The following SHROOM3 variants were observed in gnomAD, a reference collection of about 807,000 sequenced individuals.
SHROOM3 encodes protein Shroom3.
SHROOM3 carries 47 observed loss-of-function variants against 138.6 expected under a neutral mutation model. That is an observed-to-expected ratio of 0.34 (90% CI 0.27 to 0.43). The LOEUF (loss-of-function observed/expected upper bound fraction) is 0.43. Ranked by LOEUF, SHROOM3 falls within the 20% of genes least tolerant of loss-of-function variation. The pLI, the probability that SHROOM3 is intolerant of heterozygous loss-of-function variation, is 1.00. For missense variants in SHROOM3, 2,491 were observed against 2,596.5 expected (o/e 0.96, Z 0.88); for synonymous variants, 1,062 against 1,063.3 (o/e 1.00, Z 0.02).
At chr4:76,707,230 T>C (rs1278481966) in intron 2 of SHROOM3, among the ~76,000 whole-genome samples, 1 of 152,170 alleles carries the variant, frequency 6.6e-6, no homozygotes, top group Non-Finnish European at 1.5e-5. Context: ...ACAAAATCTG[T>C]GGCATAAATT....
chr4:76,443,449 A>G (rs974919990), intron 1 of SHROOM3, among the ~76,000 whole-genome samples: 4 of 152,198 alleles, frequency 2.6e-5, no homozygotes, highest in Admixed American at 6.5e-5. Flanking sequence ...CAAAACCTCA[A>G]AGGACATGCT....
At chr4:76,639,468 C>T in intron 2 of SHROOM3, 1 of 397,392 alleles carries the variant, frequency 2.5e-6, no homozygotes, top group Non-Finnish European at 4.4e-6. Flanking sequence ...ATAACCAGTG[C>T]CAGCTCTGAG....
intron 1 of SHROOM3, among the ~76,000 whole-genome samples, chr4:76,549,963 T>C (rs13120833): frequency 0.56 from 84,612 of 151,942 alleles, 23,690 homozygotes; most frequent in Non-Finnish European, 0.58. Flanking sequence ...GGAGGAATCC[T>C]GGCACCAAGC....
chr4:76,565,160 C>CAAAAAAAAAAAA (rs1166896258), intron 2 of SHROOM3, among the ~76,000 whole-genome samples: 4 of 135,938 alleles, frequency 2.9e-5, no homozygotes, highest in African/African-American at 1.1e-4. Context: ...GACTCCATTT[C>CAAAAAAAAAAAA]AAAAAAAAAA....
At position 76,635,630 on chromosome 4, in the gene SHROOM3, C is replaced by T. The variant is rs145891089; in HGVS notation, c.324-74526C>T. Among the ~76,000 whole-genome samples, 905 of 152,312 alleles carry T rather than the reference C, an allele frequency of 5.9e-3. 6 individuals are homozygous for T. Among genetic ancestry groups the T allele is most frequent in the African/African-American group, 0.021 (862 of 41,576 alleles). On this transcript the variant is annotated intron_variant, in intron 2 of 10. Transcript: ENST00000296043. The stretch of plus-strand genomic sequence containing the variant: ...CTGAAAGGCCTCTGGAGAAATGGAA[C>T]AACAGCCTATGTGTACTCACTCTCT...
intron 1 of SHROOM3, among the ~76,000 whole-genome samples, chr4:76,467,253 C>T (rs1001652174): frequency 6.6e-6 from 1 of 151,934 alleles, no homozygotes; most frequent in Admixed American, 6.6e-5. Flanking sequence ...CACCATGTTG[C>T]CCAGGCTGCT....
intron 7 of SHROOM3, 124 bp downstream of exon 7, chr4:76,755,316 C>A: frequency 8.5e-7 from 1 of 1,181,138 alleles, no homozygotes; most frequent in Non-Finnish European, 1.2e-6. Flanking sequence ...CAGCTCAGCT[C>A]AGGACACTGT....
intron 1 of SHROOM3, among the ~76,000 whole-genome samples, chr4:76,528,874 A>C (rs1338836833): frequency 6.6e-6 from 1 of 151,954 alleles, no homozygotes; most frequent in African/African-American, 2.4e-5. Flanking sequence ...TATTCTTCCA[A>C]TCTTCACTTG....
At chr4:76,601,173 C>T (rs1734497144) in intron 2 of SHROOM3, among the ~76,000 whole-genome samples, 1 of 152,174 alleles carries the variant, frequency 6.6e-6, no homozygotes, top group South Asian at 2.1e-4. Flanking sequence ...TAAAAATTTA[C>T]ATCAGTGGTT....
intron 1 of SHROOM3, among the ~76,000 whole-genome samples, chr4:76,461,068 T>C (rs1002109020): frequency 4.0e-5 from 6 of 151,682 alleles, no homozygotes; most frequent in African/African-American, 1.5e-4. Context: ...GGGCACATCA[T>C]AATGGCTTTA....
chr4:76,687,979 T>TC (rs912668529), intron 2 of SHROOM3, among the ~76,000 whole-genome samples: 39 of 151,988 alleles, frequency 2.6e-4, no homozygotes, highest in Admixed American at 8.5e-4. Context: ...TACTTCTTAC[T>TC]CCCCCCCACG....
intron 2 of SHROOM3, among the ~76,000 whole-genome samples, chr4:76,676,209 T>C (rs1418028039): frequency 6.6e-6 from 1 of 152,036 alleles, no homozygotes; most frequent in Non-Finnish European, 1.5e-5. Context: ...CTGGAGCAAC[T>C]GGGAAAAGAT....
intron 1 of SHROOM3, among the ~76,000 whole-genome samples, chr4:76,446,101 T>C (rs1299075710): frequency 6.6e-6 from 1 of 152,152 alleles, no homozygotes; most frequent in Non-Finnish European, 1.5e-5. Context: ...GAGGTCCTGC[T>C]CTGTAACAGG....
At position 76,495,783 on chromosome 4, in the gene SHROOM3, C is replaced by A. The variant is rs114405346; in HGVS notation, c.168+59563C>A. Among the ~76,000 whole-genome samples the A allele has an allele frequency of 7.3e-3, 1,108 of 152,282 alleles. 12 individuals are homozygous for A. Among genetic ancestry groups the A allele is most frequent in the African/African-American group, 0.025 (1,059 of 41,540 alleles). Reference sequence around the variant, plus strand: ...GAATGGGAGCAGTGTCTGATATCAACTTAGGTGAGAGACTACCATATGTGT... The same window carrying A: ...GAATGGGAGCAGTGTCTGATATCAAATTAGGTGAGAGACTACCATATGTGT... On this transcript the variant is annotated intron_variant, in intron 1 of 10. Transcript: ENST00000296043.
Position 76,779,122 on chromosome 4 carries a change from C to T in SHROOM3, c.5936C>T (p.Pro1979Leu), listed in dbSNP as rs1308929811. The T allele has an allele frequency of 6.2e-7, 1 of 1,614,176 alleles. No individual in the cohort carries two copies. The highest frequency in any genetic ancestry group is 2.2e-5 in the East Asian group (1 of 44,882). ...LPPNLTSEPIPAGGCTFSGIF... is the reference protein window; with the variant it reads ...LPPNLTSEPILAGGCTFSGIF... ...CCAAACCTCACGAGTGAGCCCATTC[C>T]TGCTGGGGGCTGTACTTTCAGTGGT... is the stretch of plus-strand genomic sequence containing the variant. Residue 1979 changes from proline (P) to leucine (L), a missense_variant, in exon 11 of 11, where the codon CCT becomes CTT. By Grantham distance (98) the Pro-to-Leu change is moderately conservative. Coordinates refer to ENST00000296043, the MANE Select transcript of SHROOM3 (RefSeq NM_020859.4).
At chr4:76,760,080 C>T (rs1185126037) in intron 9 of SHROOM3, among the ~76,000 whole-genome samples, 3 of 152,174 alleles carry the variant, frequency 2.0e-5, no homozygotes, top group Admixed American at 1.3e-4. Flanking sequence ...TTTCTTGTTT[C>T]ATAGTCAAAA....
At chr4:76,584,731 T>C (rs1734118667) in intron 2 of SHROOM3, among the ~76,000 whole-genome samples, 1 of 152,206 alleles carries the variant, frequency 6.6e-6, no homozygotes, top group African/African-American at 2.4e-5. Context: ...GCTCTTGAAC[T>C]CTGGCTTGCT....
intron 2 of SHROOM3, among the ~76,000 whole-genome samples, chr4:76,597,168 T>C (rs959533395): frequency 2.6e-5 from 4 of 152,254 alleles, no homozygotes; most frequent in African/African-American, 9.6e-5. Context: ...GTTTCATAAA[T>C]AAAATGACTT....
At chr4:76,512,330 AGGAGAGGAAG>A (rs1469510311) in intron 1 of SHROOM3, among the ~76,000 whole-genome samples, 2 of 152,190 alleles carry the variant, frequency 1.3e-5, no homozygotes, top group African/African-American at 4.8e-5. Context: ...GGATCTCCAG[AGGAGAGGAAG>A]GAGGGCAGGT....
Sources: allele counts gnomAD v4.1 joint callset (sites outside exome capture counted in the v4.1 genomes callset), GRCh38; gene constraint gnomAD v4.1.1; transcripts MANE v1.5; gene names NCBI Gene and HGNC (gene_info 2026-07-23, HGNC 2026-07-21).